The following SRRM4 variants were observed in gnomAD, a reference collection of about 807,000 sequenced individuals.
The protein encoded by SRRM4 is serine/arginine repetitive matrix protein 4.
A neutral mutation model predicts 68.9 loss-of-function variants in SRRM4; 33 were observed. The ratio of observed to expected loss-of-function variants is 0.48; its 90% CI spans 0.36 to 0.64. SRRM4 has a LOEUF of 0.64. SRRM4 is among the 30% of genes least tolerant of loss of function. The pLI is 0.00. For synonymous variants in SRRM4, 318 were observed against 318.8 expected, an observed-to-expected ratio of 1.00 and a Z score of 0.03; for missense variants, 817 against 827.1, an observed-to-expected ratio of 0.99 and a Z score of 0.15.
At chr12:118,991,640 C>T (rs79726793) in intron 1 of SRRM4, 145 of 152,354 alleles carry the variant, frequency 9.5e-4, no homozygotes, top group African/African-American at 3.4e-3. Flanking sequence ...ACTTTCCCCT[C>T]ATCGAATCAC....
intron 10 of SRRM4, among the ~76,000 whole-genome samples, chr12:119,152,330 A>G (rs916101756): frequency 6.6e-6 from 1 of 152,236 alleles, no homozygotes. Context: ...AGAAGAGCAA[A>G]TCAGGCTAAA....
Position 119,021,553 on chromosome 12 carries a change from T to C in SRRM4, c.131+39540T>C, listed in dbSNP as rs1198263435. 5.3e-5 allele frequency among the ~76,000 whole-genome samples: 8 copies of C among 152,184 alleles called. No individual in the cohort carries two copies. In the East Asian group the frequency reaches 1.5e-3, roughly 29 times the overall value. On this transcript the variant is annotated intron_variant, in intron 1 of 12. Coordinates refer to ENST00000267260, the MANE Select transcript of SRRM4 (RefSeq NM_194286.4). ...ACCAGTGTGCACCAACTACCCCCAG[T>C]GGTCATTATTGCCAGATGTGCATTT...
chr12:119,066,581 A>T (rs1307360123), intron 1 of SRRM4, among the ~76,000 whole-genome samples: 1 of 152,222 alleles, frequency 6.6e-6, no homozygotes, highest in African/African-American at 2.4e-5. Flanking sequence ...GCCATATAAC[A>T]AGCCCTCTAG....
At position 119,037,098 on chromosome 12, in the gene SRRM4, A is replaced by G. The variant is rs537820912; in HGVS notation, c.131+55085A>G. ...TCCACGCCCCCTGCTGGTGAAAACA[A>G]TAAATAGCTCCACCATTTTTCCTGG... On this transcript the variant is annotated intron_variant, in intron 1 of 12. Coordinates refer to ENST00000267260, the MANE Select transcript of SRRM4 (RefSeq NM_194286.4). 8 of 152,256 alleles carry G rather than the reference A, an allele frequency of 5.3e-5. No individual in the cohort carries two copies. The East Asian group carries it at 1.4e-3, about 26-fold the overall frequency. 9.4% of individuals were successfully genotyped at this position (152,256 alleles called of 1,614,324 possible).
intron 1 of SRRM4, among the ~76,000 whole-genome samples, chr12:119,016,382 G>T (rs1210601736): frequency 6.6e-6 from 1 of 151,602 alleles, no homozygotes; most frequent in African/African-American, 2.4e-5. Flanking sequence ...CACTCTATGA[G>T]GGGGACTCTT....
chr12:118,986,565 A>G (rs543919638), intron 1 of SRRM4, among the ~76,000 whole-genome samples: 1 of 152,180 alleles, frequency 6.6e-6, no homozygotes, highest in Non-Finnish European at 1.5e-5. Flanking sequence ...CAGTTCTGAG[A>G]CGCTGAGGCT....
At chr12:119,032,890 T>C (rs1953600955) in intron 1 of SRRM4, among the ~76,000 whole-genome samples, 1 of 152,204 alleles carries the variant, frequency 6.6e-6, no homozygotes, top group Admixed American at 6.5e-5. Flanking sequence ...TTGTCGATTT[T>C]GTTGAGAATT....
At chr12:119,062,055 C>T (rs1407458623) in intron 1 of SRRM4, among the ~76,000 whole-genome samples, 1 of 152,166 alleles carries the variant, frequency 6.6e-6, no homozygotes, top group Non-Finnish European at 1.5e-5. Context: ...TACTTCACAC[C>T]TAGGCTGTAT....
At chr12:119,085,595 G>A (rs914950927) in intron 1 of SRRM4, among the ~76,000 whole-genome samples, 7 of 152,198 alleles carry the variant, frequency 4.6e-5, no homozygotes, top group Admixed American at 3.9e-4. Context: ...AATTGAAGAC[G>A]CATGAGAGCC....
intron 1 of SRRM4, among the ~76,000 whole-genome samples, chr12:119,016,197 C>G (rs1310733349): frequency 6.6e-6 from 1 of 152,116 alleles, no homozygotes; most frequent in Admixed American, 6.5e-5. Context: ...TTTCTAGAGT[C>G]TTTGGGGGAA....
At chr12:119,130,928 A>G in intron 8 of SRRM4, 94 bp downstream of exon 8, 1 of 1,258,138 alleles carries the variant, frequency 7.9e-7, no homozygotes, top group Admixed American at 3.0e-5. Flanking sequence ...GTACACTTTA[A>G]TTCAATTTCT....
intron 1 of SRRM4, among the ~76,000 whole-genome samples, chr12:119,027,150 A>G (rs1953553845): frequency 6.6e-6 from 1 of 152,174 alleles, no homozygotes; most frequent in South Asian, 2.1e-4. Context: ...ACAGGAGAGA[A>G]AAAAAGATGG....
intron 1 of SRRM4, among the ~76,000 whole-genome samples, chr12:119,100,642 T>A (rs934661565): frequency 6.6e-6 from 1 of 152,204 alleles, no homozygotes; most frequent in African/African-American, 2.4e-5. Flanking sequence ...GGATACAATT[T>A]AGGCACTCAG....
intron 2 of SRRM4, among the ~76,000 whole-genome samples, chr12:119,106,516 G>T (rs928518419): frequency 6.6e-5 from 10 of 152,008 alleles, no homozygotes; most frequent in Admixed American, 5.2e-4. Flanking sequence ...CCTTGAAGAG[G>T]TCCTTCACAT....
In SRRM4 at chr12:119,146,184, G is replaced by A. The variant is rs78752841; in HGVS notation, c.1076+499G>A. Among the ~76,000 whole-genome samples, 1,202 of 152,242 alleles carry A rather than the reference G, an allele frequency of 7.9e-3. 18 individuals carry two copies. Among genetic ancestry groups the A allele is most frequent in the African/African-American group, 0.027 (1,124 of 41,546 alleles). On this transcript the variant is annotated intron_variant, in intron 9 of 12. Coordinates refer to ENST00000267260, the MANE Select transcript of SRRM4 (RefSeq NM_194286.4). ...ATGCCATCACTAGGGCTAATGAGTCGAACCTTCCCACACTCCTCTACAGGA... is the reference window on the plus strand; with the variant it reads ...ATGCCATCACTAGGGCTAATGAGTCAAACCTTCCCACACTCCTCTACAGGA...
At chr12:119,150,409 T>G (rs1379806053) in intron 9 of SRRM4, among the ~76,000 whole-genome samples, 1 of 152,082 alleles carries the variant, frequency 6.6e-6, no homozygotes, top group Non-Finnish European at 1.5e-5. Flanking sequence ...AAGGCAGAGG[T>G]TGCAGTCAGC....
At chr12:118,982,078 C>A in intron 1 of SRRM4, 65 bp downstream of exon 1, 3 of 1,527,538 alleles carry the variant, frequency 2.0e-6, no homozygotes, top group Non-Finnish European at 1.8e-6. Context: ...TGCCCCAGAG[C>A]CCGGAGGGGT....
chr12:119,125,148 T>C (rs7314993), intron 6 of SRRM4, among the ~76,000 whole-genome samples: 84,402 of 151,748 alleles, frequency 0.56, 23,717 homozygotes, highest in South Asian at 0.63. Context: ...CACACTCCCT[T>C]CAGAGGACCC....
At chr12:118,984,392 G>A (rs1953268989) in intron 1 of SRRM4, among the ~76,000 whole-genome samples, 1 of 152,254 alleles carries the variant, frequency 6.6e-6, no homozygotes, top group African/African-American at 2.4e-5. Flanking sequence ...TGGGGACTTG[G>A]TCTCATCAGA....
Sources: gnomAD v4.1 joint callset for allele counts (sites outside exome capture counted in the v4.1 genomes callset) on GRCh38, gnomAD v4.1.1 for gene constraint, MANE v1.5 for transcripts, NCBI Gene and HGNC (gene_info 2026-07-23, HGNC 2026-07-21) for gene names.